The following AOPEP variants were observed in gnomAD, a reference collection of about 807,000 sequenced individuals.
AOPEP encodes the protein aminopeptidase O (putative).
A neutral mutation model predicts 98.1 loss-of-function variants in AOPEP; 77 were observed. The ratio of observed to expected loss-of-function variants is 0.78; its 90% CI spans 0.65 to 0.95. The LOEUF (loss-of-function observed/expected upper bound fraction) is 0.95. AOPEP is among the 40% of genes least tolerant of loss of function. The pLI, the probability that AOPEP is intolerant of heterozygous loss-of-function variation, is 0.00. For missense variants in AOPEP, 1,024 were observed against 1,024.7 expected (o/e 1.00, Z 0.01); for synonymous variants, 346 against 365.3 (o/e 0.95, Z 0.60).
At chr9:95,093,255 G>A in the AOPEP span, among the ~76,000 whole-genome samples, 7 of 152,304 alleles carry the variant, frequency 4.6e-5, no homozygotes, top group Admixed American at 3.3e-4. Flanking sequence ...GGCAGATGGA[G>A]GATGGGTCTT....
chr9:94,829,376 A>G (rs146425355), intron 5 of AOPEP, among the ~76,000 whole-genome samples: 1 of 152,366 alleles, frequency 6.6e-6, no homozygotes, highest in East Asian at 1.9e-4. Flanking sequence ...AGATCCAAAG[A>G]AGTGAAGCCA....
At chr9:95,123,603 A>G in the AOPEP span, 2 of 596,072 alleles carry the variant, frequency 3.4e-6, no homozygotes, top group East Asian at 3.9e-5. Flanking sequence ...AACTGTGCCC[A>G]ATGTGTGCCC....
intron 5 of AOPEP, among the ~76,000 whole-genome samples, chr9:94,827,308 G>GT (rs1381058910): frequency 6.6e-6 from 1 of 152,170 alleles, no homozygotes; most frequent in East Asian, 1.9e-4. Flanking sequence ...TGTAAAGTAA[G>GT]TTTTTATCTT....
intron 5 of AOPEP, among the ~76,000 whole-genome samples, chr9:94,802,919 A>C (rs1472000830): frequency 1.3e-5 from 2 of 151,954 alleles, no homozygotes; most frequent in African/African-American, 4.8e-5. Context: ...GCTTCAATTG[A>C]TTCTGCTTGC....
At chr9:94,907,801 C>T (rs573767510) in intron 5 of AOPEP, among the ~76,000 whole-genome samples, 2 of 152,108 alleles carry the variant, frequency 1.3e-5, no homozygotes, top group South Asian at 4.1e-4. Context: ...GTGAAGGCAG[C>T]GTGGCCTACA....
At chr9:95,037,928 G>GT (rs1179522897) in intron 13 of AOPEP, among the ~76,000 whole-genome samples, 7 of 152,276 alleles carry the variant, frequency 4.6e-5, no homozygotes, top group African/African-American at 1.7e-4. Context: ...GGTGGGGAAG[G>GT]TTGGCACCTC....
the AOPEP span, among the ~76,000 whole-genome samples, chr9:95,114,908 C>T: frequency 6.6e-6 from 1 of 152,138 alleles, no homozygotes; most frequent in South Asian, 2.1e-4. Flanking sequence ...CCATGTCACA[C>T]AGAGTTGAAC....
At chr9:94,817,081 G>A (rs999129815) in intron 5 of AOPEP, among the ~76,000 whole-genome samples, 36 of 152,244 alleles carry the variant, frequency 2.4e-4, no homozygotes, top group African/African-American at 8.4e-4. Flanking sequence ...GCTCGCTGCA[G>A]CCTCATCCTC....
chr9:94,973,184 G>A lies in AOPEP; in HGVS notation c.1916+5383G>A, dbSNP rs187532751. ...CATGTGAAAATTGCTGGGGCTGTGT[G>A]CTTCCCTTCAGAGGCACTGACAGAC... On this transcript the variant is annotated intron_variant, in intron 10 of 16. Coordinates refer to ENST00000375315, the MANE Select transcript of AOPEP (RefSeq NM_001193329.3). Among the ~76,000 whole-genome samples, 3 of 152,298 alleles carry A rather than the reference G, an allele frequency of 2.0e-5. No homozygotes were observed. The East Asian group carries it at 5.8e-4, about 29-fold the overall frequency.
chr9:94,970,938 G>A (rs2138441492), intron 10 of AOPEP, among the ~76,000 whole-genome samples: 1 of 152,088 alleles, frequency 6.6e-6, no homozygotes, highest in East Asian at 1.9e-4. Flanking sequence ...TGTTACCAAA[G>A]TCTGTTTCTG....
intron 5 of AOPEP, among the ~76,000 whole-genome samples, chr9:94,902,227 G>A (rs2050512134): frequency 6.6e-6 from 1 of 152,210 alleles, no homozygotes; most frequent in Admixed American, 6.5e-5. Flanking sequence ...GAAAGGGTGA[G>A]GAAGGGTTAA....
At chr9:94,876,317 C>T (rs1352371711) in intron 5 of AOPEP, among the ~76,000 whole-genome samples, 1 of 152,052 alleles carries the variant, frequency 6.6e-6, no homozygotes, top group African/African-American at 2.4e-5. Context: ...TGCCTGCAGA[C>T]CAACTGTTAG....
At position 94,979,391 on chromosome 9, in the gene AOPEP, C is replaced by A; in HGVS notation, c.1941C>A (p.Ile647=). 6.2e-7 allele frequency: 1 copy of A among 1,603,182 alleles called. No homozygotes were observed. The highest frequency in any genetic ancestry group is 8.5e-7 in the Non-Finnish European group (1 of 1,172,738). The part of the protein sequence containing the change: ...EKRLELSVEN[I]YQDWLESSGI... Reference sequence around the variant, plus strand: ...GGCTTGAGCTGTCTGTTGAAAACATCTACCAAGACTGGCTTGAGAGTTCCG... The same window carrying A: ...GGCTTGAGCTGTCTGTTGAAAACATATACCAAGACTGGCTTGAGAGTTCCG... Residue 647 remains isoleucine, a synonymous_variant, in exon 11 of 17, where the codon ATC becomes ATA. Coordinates refer to ENST00000375315, the MANE Select transcript of AOPEP (RefSeq NM_001193329.3).
At chr9:95,091,804 G>T (rs1348279476), downstream of AOPEP, among the ~76,000 whole-genome samples, 1 of 152,160 alleles carries the variant, frequency 6.6e-6, no homozygotes, top group Non-Finnish European at 1.5e-5. Flanking sequence ...GCCGAGCCTG[G>T]GGTGGAAGGA....
chr9:94,791,775 A>G (rs1383413536), intron 3 of AOPEP, among the ~76,000 whole-genome samples: 2 of 152,146 alleles, frequency 1.3e-5, no homozygotes, highest in African/African-American at 2.4e-5. Context: ...CTGCCTCATG[A>G]TGCAGTTTAT....
intron 14 of AOPEP, among the ~76,000 whole-genome samples, chr9:95,062,459 T>C (rs1402329549): frequency 6.6e-6 from 1 of 152,178 alleles, no homozygotes; most frequent in African/African-American, 2.4e-5. Flanking sequence ...CTGAGGAGTT[T>C]TGTTGGCTGA....
intron 5 of AOPEP, among the ~76,000 whole-genome samples, chr9:94,895,763 G>T (rs985216457): frequency 1.3e-5 from 2 of 152,074 alleles, no homozygotes; most frequent in African/African-American, 4.8e-5. Flanking sequence ...CACTATGTTT[G>T]AGAGGCTGGT....
chr9:94,879,837 C>T (rs565104055), intron 5 of AOPEP, among the ~76,000 whole-genome samples: 63 of 152,254 alleles, frequency 4.1e-4, no homozygotes, highest in African/African-American at 1.5e-3. Flanking sequence ...GGAACATATA[C>T]CTCACCAATT....
intron 5 of AOPEP, among the ~76,000 whole-genome samples, chr9:94,811,899 T>A (rs996229050): frequency 1.3e-5 from 2 of 152,212 alleles, no homozygotes; most frequent in African/African-American, 4.8e-5. Context: ...CACACATGCT[T>A]GTGCTGGCAA....
Sources: gnomAD v4.1 joint callset for allele counts (sites outside exome capture counted in the v4.1 genomes callset) on GRCh38, gnomAD v4.1.1 for gene constraint, MANE v1.5 for transcripts, NCBI Gene and HGNC (gene_info 2026-07-23, HGNC 2026-07-21) for gene names.